PCDH11Y: variants seen among roughly 807,000 people sequenced by gnomAD.
PCDH11Y encodes the protein protocadherin 11 Y-linked.
For missense variants in PCDH11Y, 12 were observed against 224.8 expected (o/e 0.05, Z 6.05); for synonymous variants, 9 against 83.6 (o/e 0.11, Z 4.87).
intron 4 of PCDH11Y, among the ~76,000 whole-genome samples, chrY:5,589,892 G>A: frequency 2.9e-5 from 1 of 34,749 alleles, no homozygotes; most frequent in African/African-American, 1.1e-4. Flanking sequence ...CTTTGATGTT[G>A]TGATCTAAAA....
intron 2 of PCDH11Y, among the ~76,000 whole-genome samples, chrY:5,222,879 G>A: frequency 3.0e-5 from 1 of 33,201 alleles, no homozygotes; most frequent in African/African-American, 1.2e-4. Context: ...TATTCAATTT[G>A]TTGGTGAATA....
At chrY:5,694,240 C>T in intron 4 of PCDH11Y, among the ~76,000 whole-genome samples, 1 of 32,332 alleles carries the variant, frequency 3.1e-5, no homozygotes, top group Non-Finnish European at 7.6e-5. Context: ...AACAAGTATG[C>T]CGTTTTTCAT....
At chrY:5,724,525 A>T (rs2053597379) in intron 4 of PCDH11Y, among the ~76,000 whole-genome samples, 1 of 33,133 alleles carries the variant, frequency 3.0e-5, no homozygotes, top group Non-Finnish European at 7.4e-5. Flanking sequence ...ACTAGGCAAA[A>T]TAAATAAATA....
At chrY:5,586,506 G>GT (rs2053456277) in intron 4 of PCDH11Y, among the ~76,000 whole-genome samples, 1 of 30,059 alleles carries the variant, frequency 3.3e-5, no homozygotes, top group South Asian at 7.6e-4. Flanking sequence ...CTGAAAAAAT[G>GT]TTTTTTTTGT....
At chrY:5,061,096 A>G in intron 1 of PCDH11Y, among the ~76,000 whole-genome samples, 1 of 32,947 alleles carries the variant, frequency 3.0e-5, no homozygotes, top group African/African-American at 1.2e-4. Context: ...GCTTGTTTAA[A>G]ATATAAGTAA....
chrY:5,616,021 A>C, intron 4 of PCDH11Y, among the ~76,000 whole-genome samples: 1 of 33,128 alleles, frequency 3.0e-5, no homozygotes, highest in Non-Finnish European at 7.4e-5. Flanking sequence ...CTCTTCTTAC[A>C]TGCCTTTGCA....
intron 2 of PCDH11Y, among the ~76,000 whole-genome samples, chrY:5,331,902 G>A: frequency 2.9e-5 from 1 of 34,053 alleles, no homozygotes; most frequent in East Asian, 7.9e-4. Flanking sequence ...ACAAATTTGA[G>A]AGCTGTCTTA....
intron 2 of PCDH11Y, among the ~76,000 whole-genome samples, chrY:5,333,674 G>A (rs2053133370): frequency 3.0e-5 from 1 of 32,869 alleles, no homozygotes; most frequent in Admixed American, 2.8e-4. Flanking sequence ...AGGCCGAGGC[G>A]GGTGGATCAC....
intron 3 of PCDH11Y, among the ~76,000 whole-genome samples, chrY:5,033,030 C>T: frequency 3.1e-5 from 1 of 32,556 alleles, no homozygotes; most frequent in African/African-American, 1.2e-4. Flanking sequence ...CGTGGATTGA[C>T]AATTTCTAAA....
intron 4 of PCDH11Y, among the ~76,000 whole-genome samples, chrY:5,621,769 C>T: frequency 6.3e-5 from 2 of 31,915 alleles, no homozygotes; most frequent in Non-Finnish European, 1.5e-4. Flanking sequence ...TTTGACAAAC[C>T]TGACAAAAAC....
intron 2 of PCDH11Y, among the ~76,000 whole-genome samples, chrY:5,276,274 T>TATACC (rs2053044339): frequency 9.1e-5 from 3 of 32,937 alleles, no homozygotes. Context: ...CAAATGGGTG[T>TATACC]GAAGTATATT....
chrY:5,219,737 C>T, intron 2 of PCDH11Y, among the ~76,000 whole-genome samples: 16 of 32,695 alleles, frequency 4.9e-4, no homozygotes, highest in Non-Finnish European at 9.8e-4. Context: ...TAATGTAGTT[C>T]CAATTGTTTA....
chrY:5,558,442 A>T (rs1602943029), intron 3 of PCDH11Y, among the ~76,000 whole-genome samples: 2 of 22,454 alleles, frequency 8.9e-5, no homozygotes, highest in East Asian at 2.2e-3. Context: ...CTTCTTCCCG[A>T]TTCAATCTTG....
chrY:5,597,137 A>T (rs2124699043), intron 4 of PCDH11Y, among the ~76,000 whole-genome samples: 1 of 30,771 alleles, frequency 3.2e-5, no homozygotes, highest in East Asian at 8.6e-4. Flanking sequence ...ATGTCATTAT[A>T]TGAAAAGGAT....
chrY:5,326,122 A>G, intron 2 of PCDH11Y, among the ~76,000 whole-genome samples: 1 of 33,311 alleles, frequency 3.0e-5, no homozygotes, highest in Non-Finnish European at 7.4e-5. Flanking sequence ...CTCATCTGTT[A>G]TCAGACGGTA....
chrY:5,352,945 A>G, intron 2 of PCDH11Y, among the ~76,000 whole-genome samples: 2 of 29,123 alleles, frequency 6.9e-5, no homozygotes, highest in Non-Finnish European at 1.6e-4. Context: ...CAGAAAAGAA[A>G]GACACAAATA....
At chrY:5,634,117 G>A (rs2124704096) in intron 4 of PCDH11Y, among the ~76,000 whole-genome samples, 1 of 27,881 alleles carries the variant, frequency 3.6e-5, no homozygotes, top group Non-Finnish European at 8.4e-5. Context: ...GGGAGGCTGA[G>A]GCAGGAGAAT....
chrY:5,028,760 G>A, intron 1 of PCDH11Y, among the ~76,000 whole-genome samples: 1 of 33,120 alleles, frequency 3.0e-5, no homozygotes, highest in Non-Finnish European at 7.4e-5. Flanking sequence ...GTGACAAAGC[G>A]AAAACCGTGT....
At chrY:5,328,581 G>T (rs2053125543) in intron 2 of PCDH11Y, among the ~76,000 whole-genome samples, 2 of 32,831 alleles carry the variant, frequency 6.1e-5, no homozygotes, top group African/African-American at 2.4e-4. Flanking sequence ...AACTGGGCTG[G>T]ATTTTTATAT....
Sources: allele counts gnomAD v4.1 joint callset (sites outside exome capture counted in the v4.1 genomes callset), GRCh38; gene constraint gnomAD v4.1.1; transcripts MANE v1.5; gene names NCBI Gene and HGNC (gene_info 2026-07-23, HGNC 2026-07-21).